The following DLGAP2 variants were observed in gnomAD, a reference collection of about 807,000 sequenced individuals.
The protein encoded by DLGAP2 is DLG associated protein 2.
DLGAP2 carries 26 observed loss-of-function variants against 100.3 expected under a neutral mutation model. The observed-to-expected ratio is 0.26, with a 90% CI of 0.19 to 0.36. DLGAP2 has a LOEUF of 0.36. Ranked by LOEUF, DLGAP2 falls within the 10% of genes least tolerant of loss-of-function variation. The pLI is 1.00. For synonymous variants in DLGAP2, 886 were observed against 630.1 expected (o/e 1.41, Z -6.08); for missense variants, 1,858 against 1,453.2 (o/e 1.28, Z -4.53).
rs187927595 is a variant in DLGAP2, at chr8:1,286,331, G to A, written c.106+27448G>A. ...ACTTCTTTACTTTATAAATCACCCA[G>A]TTTGGGGCAGTTCTTTATAGCAGTG... On this transcript the variant is annotated intron_variant, in intron 3 of 14. Coordinates refer to ENST00000637795, the MANE Select transcript of DLGAP2 (RefSeq NM_001346810.2). Among the ~76,000 whole-genome samples, 7 of 152,304 alleles carry A rather than the reference G, an allele frequency of 4.6e-5. No homozygotes were observed. The East Asian group carries it at 9.6e-4, about 21-fold the overall frequency.
chr8:1,662,733 A>G (rs777519415), intron 8 of DLGAP2, among the ~76,000 whole-genome samples: 1 of 152,264 alleles, frequency 6.6e-6, no homozygotes, highest in Non-Finnish European at 1.5e-5. Flanking sequence ...ACTGCAAAGT[A>G]TAACGTGCTC....
chr8:1,181,219 G>A lies in DLGAP2; in HGVS notation c.74-77632G>A, dbSNP rs542697449. On this transcript the variant is annotated intron_variant, in intron 2 of 14. Coordinates refer to ENST00000637795, the MANE Select transcript of DLGAP2 (RefSeq NM_001346810.2). ...AAGGGCAGTACACTTACTGTCGAGT[G>A]TGGGTGGCTGTGCAAGGGCAGTACA... 2.7e-5 allele frequency among the ~76,000 whole-genome samples: 4 copies of A among 149,314 alleles called. 1 individual carries two copies. The East Asian group carries it at 8.2e-4, about 30-fold the overall frequency.
At chr8:1,415,054 T>C (rs1412714131) in intron 3 of DLGAP2, among the ~76,000 whole-genome samples, 1 of 152,186 alleles carries the variant, frequency 6.6e-6, no homozygotes, top group East Asian at 1.9e-4. Context: ...TTGATCCCTG[T>C]ATTATACTTG....
chr8:1,675,879 C>T (rs1798799914), intron 10 of DLGAP2, among the ~76,000 whole-genome samples: 1 of 151,086 alleles, frequency 6.6e-6, no homozygotes, highest in African/African-American at 2.4e-5. Context: ...TGTGGGATAA[C>T]TTCACATAGC....
intron 4 of DLGAP2, among the ~76,000 whole-genome samples, chr8:1,510,141 C>T (rs1241615749): frequency 6.6e-6 from 1 of 152,186 alleles, no homozygotes; most frequent in Non-Finnish European, 1.5e-5. Flanking sequence ...CGCTCCCGTG[C>T]AAATGGGCAT....
At position 867,499 on chromosome 8, in the gene DLGAP2, A is replaced by C. The variant is rs568688723; in HGVS notation, c.19-40413A>C. Among the ~76,000 whole-genome samples, 4 of 152,348 alleles carry C rather than the reference A, an allele frequency of 2.6e-5. No homozygotes were observed. The South Asian group carries it at 8.3e-4, about 32-fold the overall frequency. Reference sequence around the variant, plus strand: ...GATACCCAAACTAGTTGAGAACAAAAGGGGAACAGTGTTGTGATTATGTCA... The same window carrying C: ...GATACCCAAACTAGTTGAGAACAAACGGGGAACAGTGTTGTGATTATGTCA... On this transcript the variant is annotated intron_variant, in intron 1 of 14. Coordinates refer to ENST00000637795, the MANE Select transcript of DLGAP2 (RefSeq NM_001346810.2).
chr8:846,098 C>A (rs1797066826), intron 1 of DLGAP2, among the ~76,000 whole-genome samples: 1 of 152,168 alleles, frequency 6.6e-6, no homozygotes, highest in East Asian at 1.9e-4. Flanking sequence ...GGGCAGTTAG[C>A]ACATCTATTA....
At chr8:966,755 A>G (rs2129011354) in intron 2 of DLGAP2, among the ~76,000 whole-genome samples, 1 of 152,348 alleles carries the variant, frequency 6.6e-6, no homozygotes, top group Non-Finnish European at 1.5e-5. Context: ...GAGAGTGAGC[A>G]TCTGCCTCTC....
intron 3 of DLGAP2, among the ~76,000 whole-genome samples, chr8:1,260,456 G>A (rs775636865): frequency 6.6e-6 from 1 of 152,188 alleles, no homozygotes; most frequent in Non-Finnish European, 1.5e-5. Context: ...CATGTGGGGT[G>A]TGTTTTGTTG....
rs1327004897 is a variant in DLGAP2 at position 1,707,953 on chromosome 8, C to T, written c.*6547C>T. 1 of 152,576 alleles carries T rather than the reference C, an allele frequency of 6.6e-6. No homozygotes were observed. The highest frequency in any genetic ancestry group is 1.5e-5 in the Non-Finnish European group (1 of 68,040). The allele number at this position is 152,576 out of a possible 1,614,324, so 9.5% of individuals were successfully genotyped here. ...TTCTATTTAGTAGCATGCAGGATACCTAATCTGAATGTGCAATATGCTATT... is the reference window on the plus strand; with the variant it reads ...TTCTATTTAGTAGCATGCAGGATACTTAATCTGAATGTGCAATATGCTATT... On this transcript the variant is annotated 3_prime_UTR_variant, in exon 15 of 15. Transcript: ENST00000637795.
intron 2 of DLGAP2, among the ~76,000 whole-genome samples, chr8:1,179,522 A>C (rs191004554): frequency 1.3e-5 from 2 of 152,398 alleles, no homozygotes; most frequent in African/African-American, 4.8e-5. Context: ...TGCTGGGATG[A>C]GGCTTCCACC....
At chr8:1,137,658 A>G (rs936419543) in intron 2 of DLGAP2, 2 of 152,230 alleles carry the variant, frequency 1.3e-5, no homozygotes, top group Non-Finnish European at 2.9e-5. Context: ...AACGATTGGT[A>G]TCTGAAATAA....
intron 1 of DLGAP2, among the ~76,000 whole-genome samples, chr8:742,584 C>A (rs1820514694): frequency 6.6e-6 from 1 of 152,210 alleles, no homozygotes; most frequent in Admixed American, 6.5e-5. Context: ...TCATAGCTAA[C>A]TGCAGTCTTG....
intron 2 of DLGAP2, among the ~76,000 whole-genome samples, chr8:1,178,073 G>A (rs1797300691): frequency 6.6e-6 from 1 of 152,218 alleles, no homozygotes; most frequent in African/African-American, 2.4e-5. Context: ...GGGACACGGT[G>A]CTCTGGGACC....
chr8:1,422,702 C>T (rs1372180922), intron 3 of DLGAP2, among the ~76,000 whole-genome samples: 3 of 151,954 alleles, frequency 2.0e-5, no homozygotes, highest in Non-Finnish European at 4.4e-5. Context: ...AGCAGGTGCT[C>T]GTTAAGTGCT....
intron 2 of DLGAP2, among the ~76,000 whole-genome samples, chr8:957,562 G>A (rs1584923335): frequency 6.6e-6 from 1 of 152,340 alleles, no homozygotes; most frequent in African/African-American, 2.4e-5. Context: ...ACGGGCAGCA[G>A]TGTTCATCTT....
chr8:863,818 G>A (rs2128990375), intron 1 of DLGAP2, among the ~76,000 whole-genome samples: 1 of 152,248 alleles, frequency 6.6e-6, no homozygotes, highest in Non-Finnish European at 1.5e-5. Context: ...CAGTGTGGAG[G>A]TTTCTCAAAA....
intron 2 of DLGAP2, among the ~76,000 whole-genome samples, chr8:946,554 C>CAT (rs1337786785): frequency 2.0e-5 from 3 of 152,194 alleles, no homozygotes; most frequent in Non-Finnish European, 4.4e-5. Context: ...TGAGCCACCG[C>CAT]GCCCGGCCCG....
chr8:1,256,426 C>T lies in DLGAP2; in HGVS notation c.74-2425C>T, dbSNP rs1266848782. ...TGTGCCGTCTTATCCTGCTTGGGCG[C>T]TGTGCGTCTGTCCTCTCCTGCCCAG... On this transcript the variant is annotated intron_variant, in intron 2 of 14. Transcript: ENST00000637795. 3.8e-5 allele frequency among the ~76,000 whole-genome samples: 5 copies of T among 132,970 alleles called. 1 individual carries two copies. The highest frequency in any genetic ancestry group is 1.5e-4 in the African/African-American group (5 of 33,238). The allele number at this position is 132,970 out of a possible 152,430, so 87.2% of individuals were successfully genotyped here.
Sources: gnomAD v4.1 joint callset for allele counts (sites outside exome capture counted in the v4.1 genomes callset) on GRCh38, gnomAD v4.1.1 for gene constraint, MANE v1.5 for transcripts, NCBI Gene and HGNC (gene_info 2026-07-23, HGNC 2026-07-21) for gene names.